Variants in ATRN observed in about 807,000 individuals in gnomAD.
ATRN encodes the protein attractin-2.
A neutral mutation model predicts 178.7 loss-of-function variants in ATRN; 54 were observed. That is an observed-to-expected ratio of 0.30 (90% CI 0.24 to 0.38). ATRN has a LOEUF of 0.38. Among genes scored for constraint, ATRN ranks in the 10% least tolerant of loss-of-function variants. The pLI is 1.00. For missense variants in ATRN, 1,443 were observed against 1,815.1 expected (o/e 0.79, Z 3.73); for synonymous variants, 636 against 663.0 (o/e 0.96, Z 0.63).
In ATRN at chr20:3,595,682, C is replaced by T. The variant is rs369487832; in HGVS notation, c.3417-695C>T. On this transcript the variant is annotated intron_variant, in intron 20 of 28. Coordinates refer to ENST00000262919, the MANE Select transcript of ATRN (RefSeq NM_139321.3). The stretch of plus-strand genomic sequence containing the variant: ...ATCAAGTAAGACTTTCAAGTTCCTT[C>T]GAGATCGCAGATGTAGGCAGGTGCT... 1.2e-4 allele frequency among the ~76,000 whole-genome samples: 18 copies of T among 152,312 alleles called. No individual in the cohort carries two copies. In the South Asian group the frequency reaches 1.9e-3, roughly 16 times the overall value.
intron 24 of ATRN, among the ~76,000 whole-genome samples, chr20:3,622,540 C>T (rs6133052): frequency 6.6e-6 from 1 of 152,202 alleles, no homozygotes; most frequent in Non-Finnish European, 1.5e-5. Context: ...CAGCACTCTC[C>T]TTCATCTTCA....
intron 6 of ATRN, among the ~76,000 whole-genome samples, chr20:3,556,210 A>G (rs1334724794): frequency 6.6e-6 from 1 of 152,230 alleles, no homozygotes; most frequent in Non-Finnish European, 1.5e-5. Flanking sequence ...GTCACTGAAG[A>G]AAAGAACCTA....
chr20:3,499,236 A>G (rs1299302862), intron 1 of ATRN, among the ~76,000 whole-genome samples: 2 of 106,140 alleles, frequency 1.9e-5, no homozygotes, highest in East Asian at 4.2e-4. Context: ...AAGAATCAAT[A>G]TCGTGAAAAT....
At chr20:3,625,966 T>C (rs1267745784) in intron 25 of ATRN, among the ~76,000 whole-genome samples, 1 of 152,166 alleles carries the variant, frequency 6.6e-6, no homozygotes, top group African/African-American at 2.4e-5. Context: ...GTGCTATGGC[T>C]CACACCTGTA....
At chr20:3,615,788 C>T (rs1261419218) in intron 24 of ATRN, 2 of 453,764 alleles carry the variant, frequency 4.4e-6, no homozygotes, top group Admixed American at 4.7e-5. Flanking sequence ...CAAACTATCG[C>T]AAGGACAAAA....
At chr20:3,490,183 C>G in intron 1 of ATRN, 2 of 1,517,000 alleles carry the variant, frequency 1.3e-6, no homozygotes, top group Non-Finnish European at 1.8e-6. Context: ...TGGGCTTGCT[C>G]TTCTACGGTC....
At chr20:3,594,614 G>T in intron 20 of ATRN, 42 bp downstream of exon 20, 1 of 1,534,714 alleles carries the variant, frequency 6.5e-7, no homozygotes, top group Non-Finnish European at 8.9e-7. Context: ...GGACCAAGAG[G>T]CTGTGCAGCT....
At chr20:3,568,897 A>G (rs2422897) in intron 11 of ATRN, among the ~76,000 whole-genome samples, 1 of 152,114 alleles carries the variant, frequency 6.6e-6, no homozygotes, top group South Asian at 2.1e-4. Context: ...CAGCAGTGAA[A>G]GCACTAACAT....
In ATRN at chr20:3,632,629, C is replaced by T. The variant is rs1303892080; in HGVS notation, c.3864-1682C>T. ...GAAAGGCCCACACACTCTGACCATC[C>T]TGCTGTGGAGTGCCACTGGTACTCC... On this transcript the variant is annotated intron_variant, in intron 25 of 28. Transcript: ENST00000262919. The surrounding 1 kb of genome is among the most constrained non-coding windows in gnomAD (Gnocchi z 4.2). Among the ~76,000 whole-genome samples the T allele has an allele frequency of 6.6e-6, 1 of 152,226 alleles. No homozygotes were observed. The highest frequency in any genetic ancestry group is 1.5e-5 in the Non-Finnish European group (1 of 68,032).
chr20:3,501,151 CAA>C (rs968339593), intron 1 of ATRN, among the ~76,000 whole-genome samples: 24 of 151,968 alleles, frequency 1.6e-4, no homozygotes, highest in African/African-American at 5.8e-4. Context: ...TTAAGTAAAA[CAA>C]ATGGATAATT....
intron 22 of ATRN, among the ~76,000 whole-genome samples, chr20:3,599,386 A>G (rs2086574867): frequency 6.6e-6 from 1 of 152,240 alleles, no homozygotes; most frequent in African/African-American, 2.4e-5. Context: ...CCAGGTGGGA[A>G]GCAACCATGA....
At chr20:3,618,679 A>G (rs2086871496) in intron 24 of ATRN, among the ~76,000 whole-genome samples, 2 of 152,136 alleles carry the variant, frequency 1.3e-5, no homozygotes, top group South Asian at 4.1e-4. Context: ...AATGGCATTA[A>G]CTGGCCATGG....
At chr20:3,527,642 C>T (rs464425) in intron 1 of ATRN, among the ~76,000 whole-genome samples, 40,467 of 151,874 alleles carry the variant, frequency 0.27, 5,893 homozygotes, top group African/African-American at 0.33. Context: ...TGCAGCACTA[C>T]TCACAATAGC....
intron 19 of ATRN, among the ~76,000 whole-genome samples, chr20:3,592,857 T>A (rs576965180): frequency 6.6e-6 from 1 of 152,234 alleles, no homozygotes; most frequent in South Asian, 2.1e-4. Flanking sequence ...GCAATTCTTA[T>A]TACCCTTCTA....
intron 1 of ATRN, among the ~76,000 whole-genome samples, chr20:3,521,210 A>G (rs1047810833): frequency 6.6e-6 from 1 of 152,196 alleles, no homozygotes; most frequent in Non-Finnish European, 1.5e-5. Flanking sequence ...TTTGGAATGA[A>G]TGAAGGTGTA....
At chr20:3,537,549 A>G (rs193003237) in intron 2 of ATRN, among the ~76,000 whole-genome samples, 1 of 149,796 alleles carries the variant, frequency 6.7e-6, no homozygotes, top group Non-Finnish European at 1.5e-5. Flanking sequence ...TCTAGGGTAC[A>G]TGTGCACAAC....
intron 1 of ATRN, among the ~76,000 whole-genome samples, chr20:3,497,844 G>A (rs1226461236): frequency 1.3e-5 from 2 of 151,980 alleles, no homozygotes; most frequent in Non-Finnish European, 2.9e-5. Context: ...CATATTTCTT[G>A]GAGGCTTTGC....
chr20:3,479,357 G>A (rs1169692003), intron 1 of ATRN, among the ~76,000 whole-genome samples: 2 of 152,122 alleles, frequency 1.3e-5, no homozygotes, highest in African/African-American at 2.4e-5. Flanking sequence ...AGACAGCTAC[G>A]TACACAGCAA....
At chr20:3,486,406 A>C (rs377019960) in intron 1 of ATRN, among the ~76,000 whole-genome samples, 8 of 148,534 alleles carry the variant, frequency 5.4e-5, no homozygotes, top group Admixed American at 1.3e-4. Flanking sequence ...TTTCCTTTTT[A>C]TTTTTATTTT....
Sources: allele counts gnomAD v4.1 joint callset (sites outside exome capture counted in the v4.1 genomes callset), GRCh38; gene constraint gnomAD v4.1.1; non-coding constraint Gnocchi (gnomAD v3.1); transcripts MANE v1.5; gene names NCBI Gene and HGNC (gene_info 2026-07-23, HGNC 2026-07-21).